Variants in NELL1 observed in about 807,000 individuals in gnomAD.
The protein encoded by NELL1 is protein kinase C-binding protein NELL1.
A neutral mutation model predicts 107.4 loss-of-function variants in NELL1; 76 were observed. The ratio of observed to expected loss-of-function variants is 0.71; its 90% CI spans 0.59 to 0.86. The LOEUF (loss-of-function observed/expected upper bound fraction) is 0.86, where lower values mean the gene tolerates loss of function less well. Ranked by LOEUF, NELL1 falls within the 40% of genes least tolerant of loss-of-function variation. The probability of loss-of-function intolerance (pLI) is 0.00; values close to 1 mark genes in which losing one functional copy is unlikely to be tolerated. For missense variants in NELL1, 1,024 were observed against 1,005.5 expected, an observed-to-expected ratio of 1.02 and a Z score of -0.25; for synonymous variants, 353 against 341.2, an observed-to-expected ratio of 1.03 and a Z score of -0.38.
chr11:21,444,847 T>G (rs1367871331), intron 15 of NELL1, among the ~76,000 whole-genome samples: 1 of 152,190 alleles, frequency 6.6e-6, no homozygotes, highest in Non-Finnish European at 1.5e-5. Context: ...CTGTACCTTT[T>G]CCCTCCCTTC....
At chr11:20,959,564 G>T (rs1355385521) in intron 11 of NELL1, among the ~76,000 whole-genome samples, 1 of 152,118 alleles carries the variant, frequency 6.6e-6, no homozygotes, top group Non-Finnish European at 1.5e-5. Flanking sequence ...AAGTAACCCA[G>T]GAATAGAAAA....
At chr11:20,857,838 C>T (rs952062362) in intron 4 of NELL1, among the ~76,000 whole-genome samples, 1 of 152,186 alleles carries the variant, frequency 6.6e-6, no homozygotes, top group Admixed American at 6.5e-5. Flanking sequence ...CATGTGACCA[C>T]AGATAGTTTC....
chr11:21,229,007 C>T (rs2133883275), intron 13 of NELL1, among the ~76,000 whole-genome samples: 1 of 152,062 alleles, frequency 6.6e-6, no homozygotes, highest in Middle Eastern at 3.4e-3. Context: ...AAAATTCCCC[C>T]TACTAAGAAC....
chr11:20,837,525 G>T (rs1040613665), intron 3 of NELL1, among the ~76,000 whole-genome samples: 12 of 152,106 alleles, frequency 7.9e-5, no homozygotes, highest in African/African-American at 2.4e-5. Flanking sequence ...TCTTGATTTC[G>T]CATACCATTC....
intron 2 of NELL1, among the ~76,000 whole-genome samples, chr11:20,710,161 C>T (rs548882964): frequency 6.6e-6 from 1 of 152,252 alleles, no homozygotes; most frequent in South Asian, 2.1e-4. Context: ...ACTTTTCTCC[C>T]ATTCAGTATA....
chr11:20,745,920 C>T (rs1201863523), intron 2 of NELL1, among the ~76,000 whole-genome samples: 1 of 152,212 alleles, frequency 6.6e-6, no homozygotes, highest in Non-Finnish European at 1.5e-5. Context: ...CTTTCTGCTT[C>T]TCTGTGCTGG....
At chr11:21,314,772 A>G (rs568142915) in intron 14 of NELL1, among the ~76,000 whole-genome samples, 2 of 152,322 alleles carry the variant, frequency 1.3e-5, no homozygotes, top group South Asian at 4.1e-4. Context: ...GAAGTGGTTA[A>G]GGTGAGCTGA....
intron 2 of NELL1, among the ~76,000 whole-genome samples, chr11:20,731,139 A>T (rs1300906419): frequency 1.3e-5 from 2 of 152,130 alleles, no homozygotes; most frequent in African/African-American, 4.8e-5. Flanking sequence ...TACACTACTT[A>T]ACATTGCTGT....
At chr11:20,761,499 G>C (rs1159352491) in intron 2 of NELL1, among the ~76,000 whole-genome samples, 2 of 152,124 alleles carry the variant, frequency 1.3e-5, no homozygotes, top group Admixed American at 6.5e-5. Context: ...AGAATACCAG[G>C]GTTCATTTTC....
intron 4 of NELL1, among the ~76,000 whole-genome samples, chr11:20,861,241 A>G (rs74725854): frequency 0.03 from 4,610 of 151,918 alleles, 115 homozygotes; most frequent in East Asian, 0.15. Context: ...TTTTCTTTGC[A>G]TACACAAACA....
At chr11:20,891,742 G>A (rs762837683) in intron 5 of NELL1, among the ~76,000 whole-genome samples, 13 of 151,872 alleles carry the variant, frequency 8.6e-5, no homozygotes, top group Non-Finnish European at 1.6e-4. Context: ...ACTTTAAACC[G>A]ACAAAGATAA....
At chr11:21,326,168 T>G (rs1252137346) in intron 14 of NELL1, among the ~76,000 whole-genome samples, 1 of 147,364 alleles carries the variant, frequency 6.8e-6, no homozygotes, top group Non-Finnish European at 1.5e-5. Flanking sequence ...TTTTTTTTTT[T>G]CTATTTGTTC....
At chr11:20,892,631 G>A (rs896258914) in intron 5 of NELL1, among the ~76,000 whole-genome samples, 6 of 152,164 alleles carry the variant, frequency 3.9e-5, no homozygotes, top group African/African-American at 1.4e-4. Context: ...GACACATGCG[G>A]CCGGGCGCAG....
At chr11:21,561,464 C>G (rs2134002639) in intron 17 of NELL1, among the ~76,000 whole-genome samples, 1 of 152,116 alleles carries the variant, frequency 6.6e-6, no homozygotes, top group South Asian at 2.1e-4. Context: ...TTTCAGCCAC[C>G]CTATAATTCA....
In NELL1 at chr11:21,560,492, G is replaced by T. The variant is rs182410322; in HGVS notation, c.1980+110G>T. The T allele has an allele frequency of 2.1e-4, 204 of 959,920 alleles. No homozygotes were observed. The African/African-American group carries it at 3.0e-3, about 14-fold the overall frequency. The allele number at this position is 959,920 out of a possible 1,614,324, so 59.5% of individuals were successfully genotyped here. On this transcript the variant is annotated intron_variant, in intron 17 of 19. Transcript: ENST00000357134. ...TGCTGTTGACTGTAGTTCCTGAACA[G>T]GCTTCTCCTGTTCTTATCTACATTA...
chr11:21,496,790 G>GTTT (rs1308865299), intron 15 of NELL1, among the ~76,000 whole-genome samples: 1 of 152,020 alleles, frequency 6.6e-6, no homozygotes, highest in Non-Finnish European at 1.5e-5. Flanking sequence ...ATTTCAAATT[G>GTTT]TTTTTAACTT....
At chr11:21,295,185 G>A (rs1475764743) in intron 14 of NELL1, among the ~76,000 whole-genome samples, 1 of 152,068 alleles carries the variant, frequency 6.6e-6, no homozygotes, top group Non-Finnish European at 1.5e-5. Context: ...GCACAGACCA[G>A]CTCACTGACT....
chr11:20,911,117 A>C lies in NELL1; in HGVS notation c.604-7065A>C, dbSNP rs1487613331. Among the ~76,000 whole-genome samples, 8 of 152,316 alleles carry C rather than the reference A, an allele frequency of 5.3e-5. No homozygotes were observed. The East Asian group carries it at 1.5e-3, about 29-fold the overall frequency. On this transcript the variant is annotated intron_variant, in intron 5 of 19. Coordinates refer to ENST00000357134, the MANE Select transcript of NELL1 (RefSeq NM_006157.5). ...TCTTCCTATTATCTATTCCAGCTTG[A>C]TGAGTGTATGATTCTCTGTAGATAT...
intron 4 of NELL1, among the ~76,000 whole-genome samples, chr11:20,877,745 A>G (rs1849333074): frequency 6.6e-6 from 1 of 152,210 alleles, no homozygotes; most frequent in Non-Finnish European, 1.5e-5. Flanking sequence ...ACATTTGACT[A>G]GATGTTTAAT....
Sources: gnomAD v4.1 joint callset for allele counts (sites outside exome capture counted in the v4.1 genomes callset) on GRCh38, gnomAD v4.1.1 for gene constraint, MANE v1.5 for transcripts, NCBI Gene and HGNC (gene_info 2026-07-23, HGNC 2026-07-21) for gene names.